Variants in TRAT1 observed in about 807,000 individuals in gnomAD.
The protein encoded by TRAT1 is T cell receptor associated transmembrane adaptor 1.
In TRAT1, 20 loss-of-function variants were observed where a neutral mutation model predicts 20.0. The ratio of observed to expected loss-of-function variants is 1.00; its 90% CI spans 0.70 to 1.45. The LOEUF is 1.45. Ranked by LOEUF, TRAT1 falls within the 40% of genes most tolerant of loss-of-function variation. TRAT1 has a pLI of 0.00. For missense variants in TRAT1, 237 were observed against 224.1 expected (o/e 1.06, Z -0.37); for synonymous variants, 77 against 74.2 (o/e 1.04, Z -0.20).
chr3:108,852,839 T>G (rs1010652776), intron 5 of TRAT1, among the ~76,000 whole-genome samples: 1 of 152,226 alleles, frequency 6.6e-6, no homozygotes, highest in Non-Finnish European at 1.5e-5. Context: ...GATCACTGTA[T>G]GGCAGAGCTG....
intron 1 of TRAT1, among the ~76,000 whole-genome samples, chr3:108,825,840 G>A (rs575962188): frequency 7.2e-5 from 11 of 152,204 alleles, no homozygotes; most frequent in African/African-American, 2.2e-4. Context: ...GTATTTTATT[G>A]GATGAAAGTT....
intron 2 of TRAT1, among the ~76,000 whole-genome samples, chr3:108,834,856 G>T (rs1288924369): frequency 6.6e-6 from 1 of 152,166 alleles, no homozygotes; most frequent in Non-Finnish European, 1.5e-5. Flanking sequence ...TAGCAGCTAG[G>T]TAGAAGCTTT....
intron 1 of TRAT1, among the ~76,000 whole-genome samples, chr3:108,824,277 AATT>A (rs1945717776): frequency 6.6e-6 from 1 of 152,162 alleles, no homozygotes; most frequent in South Asian, 2.1e-4. Flanking sequence ...CTAGAACTGA[AATT>A]ATTAAGAGAT....
intron 1 of TRAT1, among the ~76,000 whole-genome samples, chr3:108,829,133 G>T (rs1945768092): frequency 6.6e-6 from 1 of 152,116 alleles, no homozygotes; most frequent in South Asian, 2.1e-4. Flanking sequence ...AATGATTACT[G>T]CATCCATTAA....
In TRAT1 at chr3:108,853,883, C is replaced by G; in HGVS notation, c.*6C>G. On this transcript the variant is annotated 3_prime_UTR_variant, in exon 6 of 6. Coordinates refer to ENST00000295756, the MANE Select transcript of TRAT1 (RefSeq NM_016388.4). ...AGAGAGAACCTATAAACTAGCTGGACCATGATCTAGTTCAATGATTTGGCT... is the reference window on the plus strand; with the variant it reads ...AGAGAGAACCTATAAACTAGCTGGAGCATGATCTAGTTCAATGATTTGGCT... 1 of 1,612,442 alleles carries G rather than the reference C, an allele frequency of 6.2e-7. No individual in the cohort carries two copies. Among genetic ancestry groups the G allele is most frequent in the Non-Finnish European group, 8.5e-7 (1 of 1,178,830 alleles).
intron 3 of TRAT1, among the ~76,000 whole-genome samples, chr3:108,846,131 G>A (rs374735418): frequency 1.1e-4 from 17 of 152,136 alleles, no homozygotes; most frequent in South Asian, 2.1e-4. Context: ...GACTGAGCAC[G>A]GGGCTTTACA....
At chr3:108,835,390 T>C (rs933142454) in intron 2 of TRAT1, among the ~76,000 whole-genome samples, 2 of 152,238 alleles carry the variant, frequency 1.3e-5, no homozygotes, top group African/African-American at 4.8e-5. Flanking sequence ...TAAATGTCAT[T>C]GAAATCACCA....
In TRAT1 at chr3:108,835,161, G is replaced by T. The variant is rs1244703603; in HGVS notation, c.119-3773G>T. 2.0e-5 allele frequency among the ~76,000 whole-genome samples: 3 copies of T among 152,136 alleles called. No homozygotes were observed. The East Asian group carries it at 5.8e-4, about 29-fold the overall frequency. On this transcript the variant is annotated intron_variant, in intron 2 of 5. Coordinates refer to ENST00000295756, the MANE Select transcript of TRAT1 (RefSeq NM_016388.4). ...AATTTCATTATGGAGTTTAAACTATGTGCCGTTGTCTATTCTTGTACATAG... is the reference window on the plus strand; with the variant it reads ...AATTTCATTATGGAGTTTAAACTATTTGCCGTTGTCTATTCTTGTACATAG...
At chr3:108,837,323 G>C (rs1945849522) in intron 2 of TRAT1, among the ~76,000 whole-genome samples, 1 of 152,158 alleles carries the variant, frequency 6.6e-6, no homozygotes, top group Non-Finnish European at 1.5e-5. Flanking sequence ...GCAGCTTAGT[G>C]CATATGCTCC....
chr3:108,846,941 C>G, intron 3 of TRAT1, 127 bp from the exon 4 acceptor site: 1 of 650,070 alleles, frequency 1.5e-6, no homozygotes, highest in Admixed American at 2.8e-5. Flanking sequence ...AACACACCTA[C>G]CGTGGTTGGC....
chr3:108,846,728 T>C (rs1482482372), intron 3 of TRAT1, among the ~76,000 whole-genome samples: 1 of 152,196 alleles, frequency 6.6e-6, no homozygotes. Context: ...GAGGATGATA[T>C]AGTACCTATG....
intron 5 of TRAT1, among the ~76,000 whole-genome samples, chr3:108,851,805 A>C (rs1946000601): frequency 6.6e-6 from 1 of 152,206 alleles, no homozygotes; most frequent in Non-Finnish European, 1.5e-5. Flanking sequence ...TCCAGTGACT[A>C]TTAAACATAC....
In TRAT1 at chr3:108,838,939, A is replaced by T; in HGVS notation, c.124A>T (p.Met42Leu). The T allele has an allele frequency of 5.6e-6, 9 of 1,606,490 alleles. No individual in the cohort carries two copies. Among genetic ancestry groups the T allele is most frequent in the Non-Finnish European group, 7.7e-6 (9 of 1,173,046 alleles). The change falls in exon 3 of 6, where the codon ATG becomes TTG. Residue 42 changes from methionine to leucine, a missense_variant. Transcript: ENST00000295756. ...CTATTTTGAATATCTTTCAGATAAA[A>T]TGTACAGCTACTCCAGTGACCACAC... ...HYVEKQRQDK[M>L]YSYSSDHTRV...
chr3:108,846,842 A>G (rs990222136), intron 3 of TRAT1, among the ~76,000 whole-genome samples: 6 of 152,186 alleles, frequency 3.9e-5, no homozygotes, highest in African/African-American at 1.4e-4. Flanking sequence ...GATTCCCTGT[A>G]AGAAGATCCA....
rs1559822511 is a variant in TRAT1 at position 108,838,354 on chromosome 3, GATGATAGA to G, written c.119-579_119-572del. ...GATAGATAGATGATAGATATAGATAGATGATAGATAGATAGATAGATAGATAGATAGAT... is the reference window on the plus strand; with the variant it reads ...GATAGATAGATGATAGATATAGATAGTAGATAGATAGATAGATAGATAGAT... On this transcript the variant is annotated intron_variant, in intron 2 of 5. Transcript: ENST00000295756. Among the ~76,000 whole-genome samples, 11 of 35,724 alleles carry G rather than the reference GATGATAGA, an allele frequency of 3.1e-4. No individual in the cohort carries two copies. The African/African-American group carries it at 3.7e-3, about 12-fold the overall frequency. 23.4% of individuals were successfully genotyped at this position (35,724 alleles called of 152,430 possible).
chr3:108,853,513 G>A (rs1303873797), intron 5 of TRAT1, 107 bp from the exon 6 acceptor site: 1 of 1,365,584 alleles, frequency 7.3e-7, no homozygotes, highest in Non-Finnish European at 1.0e-6. Flanking sequence ...AACAAGGTAG[G>A]TGAGGCCTAG....
intron 3 of TRAT1, 84 bp downstream of exon 3, chr3:108,839,051 T>C (rs1945867485): frequency 3.8e-6 from 4 of 1,053,664 alleles, no homozygotes; most frequent in Admixed American, 1.8e-5. Flanking sequence ...ATTTGGCTCA[T>C]GGATATTGTA....
chr3:108,854,157 C>A lies in TRAT1; in HGVS notation c.*280C>A. 3.6e-6 allele frequency: 1 copy of A among 274,896 alleles called. No homozygotes were observed. The highest frequency in any genetic ancestry group is 6.9e-6 in the Non-Finnish European group (1 of 145,502). 17.0% of individuals were successfully genotyped at this position (274,896 alleles called of 1,614,324 possible). A position where few individuals can be genotyped will look rare whatever the true frequency, so the allele number is the denominator to read the frequency against. On this transcript the variant is annotated 3_prime_UTR_variant, in exon 6 of 6. Coordinates refer to ENST00000295756, the MANE Select transcript of TRAT1 (RefSeq NM_016388.4). ...GCACATATACTAAAAATTAATAAGA[C>A]CCAGCTTGAAAATTGAGCCTGATAA...
intron 5 of TRAT1, among the ~76,000 whole-genome samples, chr3:108,851,063 A>G (rs552045245): frequency 7.9e-5 from 12 of 152,240 alleles, no homozygotes; most frequent in African/African-American, 2.9e-4. Context: ...TAGAGGTAAT[A>G]TCTTCGTATT....
Sources: allele counts gnomAD v4.1 joint callset (sites outside exome capture counted in the v4.1 genomes callset), GRCh38; gene constraint gnomAD v4.1.1; transcripts MANE v1.5; gene names NCBI Gene and HGNC (gene_info 2026-07-23, HGNC 2026-07-21).